The following AAAS variants were observed in gnomAD, a reference collection of about 807,000 sequenced individuals.
AAAS encodes aladin.
A neutral mutation model predicts 75.6 loss-of-function variants in AAAS; 60 were observed. The observed-to-expected ratio is 0.79, with a 90% CI of 0.64 to 0.98. The LOEUF (loss-of-function observed/expected upper bound fraction) is 0.98. AAAS is among the 50% of genes least tolerant of loss of function. The probability of loss-of-function intolerance (pLI) is 0.00; values close to 1 mark genes in which losing one functional copy is unlikely to be tolerated. For synonymous variants in AAAS, 271 were observed against 265.0 expected (o/e 1.02, Z -0.22); for missense variants, 658 against 686.9 (o/e 0.96, Z 0.47).
Position 53,312,565 on chromosome 12 carries a change from C to CAA in AAAS, c.689+1731_689+1732dup, listed in dbSNP as rs34316735. Among the ~76,000 whole-genome samples, 135 of 144,442 alleles carry CAA rather than the reference C, an allele frequency of 9.3e-4. 2 individuals are homozygous for CAA. The highest frequency in any genetic ancestry group is 3.5e-3 in the Middle Eastern group (1 of 288). The allele number at this position is 144,442 out of a possible 152,430, so 94.8% of individuals were successfully genotyped here. On this transcript the variant is annotated intron_variant, in intron 7 of 15. Coordinates refer to ENST00000209873, the MANE Select transcript of AAAS (RefSeq NM_015665.6). ...GGGCAACAGGAGTGAAACTCCTTCTCAAAAAAAAAAAAGAAATCAAACATT... is the reference window on the plus strand; with the variant it reads ...GGGCAACAGGAGTGAAACTCCTTCTCAAAAAAAAAAAAAAGAAATCAAACATT...
chr12:53,318,273 T>TGTG (rs1230106640), intron 2 of AAAS, among the ~76,000 whole-genome samples: 4 of 151,104 alleles, frequency 2.6e-5, no homozygotes, highest in Non-Finnish European at 4.4e-5. Flanking sequence ...TGTGTGTGTG[T>TGTG]TAAGACGGAG....
chr12:53,314,679 T>C, intron 6 of AAAS, 72 bp downstream of exon 6: 1 of 1,500,478 alleles, frequency 6.7e-7, no homozygotes. Context: ...ACTACAGGAC[T>C]CCCCGGAACC....
intron 7 of AAAS, among the ~76,000 whole-genome samples, chr12:53,312,231 C>A (rs1001916381): frequency 2.0e-5 from 3 of 148,636 alleles, no homozygotes; most frequent in African/African-American, 5.0e-5. Context: ...AAAAAAAAAT[C>A]TCATTATTTT....
intron 1 of AAAS, chr12:53,320,909 AACCATATGAC>A: frequency 1.6e-6 from 1 of 606,918 alleles, no homozygotes. Flanking sequence ...GTGATTATGA[AACCATATGAC>A]ATTTTTAGAA....
At position 53,321,461 on chromosome 12, in the gene AAAS, C is replaced by T; in HGVS notation, c.5G>A (p.Cys2Tyr). The T allele has an allele frequency of 6.2e-7, 1 of 1,614,120 alleles. No homozygotes were observed. Among genetic ancestry groups the T allele is most frequent in the East Asian group, 2.2e-5 (1 of 44,894 alleles). ...TGGAGGAGGGAACAACCCCAGAGAGCACATCTTGCCGGTTCGCAGGACGTC... is the reference window on the plus strand; with the variant it reads ...TGGAGGAGGGAACAACCCCAGAGAGTACATCTTGCCGGTTCGCAGGACGTC... M[C>Y]SLGLFPPPPP... Residue 2 changes from cysteine to tyrosine, a missense_variant, in exon 1 of 16, where the codon TGC becomes TAC. Physicochemically the swap from Cys to Tyr is radical, Grantham distance 194. Transcript: ENST00000209873.
rs1944450202 is a variant in AAAS, at chr12:53,315,613, G to A, written c.307+114C>T. 6.6e-6 allele frequency: 9 copies of A among 1,373,726 alleles called. No individual in the cohort carries two copies. The South Asian group carries it at 7.4e-5, about 11-fold the overall frequency. 85.1% of individuals were successfully genotyped at this position (1,373,726 alleles called of 1,614,324 possible). A position where few individuals can be genotyped will look rare whatever the true frequency, so the allele number is the denominator to read the frequency against. ...GGTTATTTGGGTAGGTAGAGGAGAG[G>A]ACAGGAAAAATAGGGCTAAAAGAGG... is the stretch of plus-strand genomic sequence containing the variant. On this transcript the variant is annotated intron_variant, in intron 3 of 15. Transcript: ENST00000209873.
chr12:53,311,288 T>C (rs911803540), intron 7 of AAAS, among the ~76,000 whole-genome samples: 4 of 152,094 alleles, frequency 2.6e-5, no homozygotes, highest in Admixed American at 2.6e-4. Context: ...TAAATCGAGT[T>C]CCGCTCTTGT....
At position 53,309,205 on chromosome 12, in the gene AAAS, G is replaced by A. The variant is rs1450008394; in HGVS notation, c.887C>T (p.Ser296Phe). ...RGGGVTNLLW[S>F]PDGSKILATT... ...AGCCAGGATTTTGCTGCCGTCTGGG[G>A]ACCAGAGCAGGTTGGTCACCCCACC... is the stretch of plus-strand genomic sequence containing the variant. Residue 296 changes from serine to phenylalanine, a missense_variant, in exon 9 of 16, where the codon TCC becomes TTC. Ser to Phe is a radical substitution (Grantham distance 155). Transcript: ENST00000209873. The A allele has an allele frequency of 6.2e-7, 1 of 1,614,158 alleles. No homozygotes were observed. Among genetic ancestry groups the A allele is most frequent in the Admixed American group, 1.7e-5 (1 of 60,010 alleles).
intron 7 of AAAS, among the ~76,000 whole-genome samples, chr12:53,310,420 C>T (rs182423725): frequency 2.0e-4 from 30 of 152,212 alleles, no homozygotes; most frequent in African/African-American, 7.2e-4. Flanking sequence ...ATTAGCTGGG[C>T]GTGGTGGTGT....
chr12:53,308,601 A>G, intron 11 of AAAS, 73 bp from the exon 12 acceptor site: 6 of 1,598,160 alleles, frequency 3.8e-6, no homozygotes, highest in Non-Finnish European at 4.3e-6. Context: ...AGCTCACCAA[A>G]GGCATCAACA....
chr12:53,321,159 C>T (rs1247594201), intron 1 of AAAS, 184 bp downstream of exon 1: 9 of 885,204 alleles, frequency 1.0e-5, no homozygotes, highest in Non-Finnish European at 1.5e-5. Context: ...CTTAACCGTT[C>T]CCCCGTTATA....
At chr12:53,311,476 G>T (rs942625831) in intron 7 of AAAS, among the ~76,000 whole-genome samples, 1 of 152,168 alleles carries the variant, frequency 6.6e-6, no homozygotes, top group Non-Finnish European at 1.5e-5. Context: ...CCTTCCAGGC[G>T]TGGTGTACGC....
At chr12:53,319,482 G>C (rs1369448972) in intron 2 of AAAS, among the ~76,000 whole-genome samples, 1 of 152,218 alleles carries the variant, frequency 6.6e-6, no homozygotes, top group East Asian at 1.9e-4. Context: ...ATAGGCGTGA[G>C]TCACTGTGCC....
chr12:53,307,811 A>ACTC (rs1457078644), intron 15 of AAAS, 34 bp downstream of exon 15: 21 of 1,613,322 alleles, frequency 1.3e-5, no homozygotes, highest in Non-Finnish European at 1.5e-5. Flanking sequence ...TCTCCATCCA[A>ACTC]CTCCTGGAAG....
At chr12:53,308,407 C>G in intron 12 of AAAS, 28 bp downstream of exon 12, 1 of 1,614,140 alleles carries the variant, frequency 6.2e-7, no homozygotes, top group Non-Finnish European at 8.5e-7. Context: ...CTGCTTTTCA[C>G]TGCCACTCCC....
Position 53,307,886 on chromosome 12 carries a change from T to G in AAAS, c.1375A>C (p.Thr459Pro). The G allele has an allele frequency of 1.2e-6, 2 of 1,614,108 alleles. No homozygotes were observed. The highest frequency in any genetic ancestry group is 1.7e-6 in the Non-Finnish European group (2 of 1,180,016). The change falls in exon 15 of 16, where the codon ACT becomes CCT. Residue 459 changes from threonine (T) to proline (P), a missense_variant. Coordinates refer to ENST00000209873, the MANE Select transcript of AAAS (RefSeq NM_015665.6). ...GEPGAQPQLI[T>P]FHPSFNKGAL... ...CCTTTGTTGAAGGAAGGATGGAAAG[T>G]GATGAGCTGGGGCTGGGCTCCTGGC...
At chr12:53,313,902 C>T (rs577843221) in intron 7 of AAAS, among the ~76,000 whole-genome samples, 1 of 152,278 alleles carries the variant, frequency 6.6e-6, no homozygotes, top group East Asian at 1.9e-4. Context: ...AGCCACCGCA[C>T]CCAGCTTAGT....
At chr12:53,313,224 CATG>C (rs1212543846) in intron 7 of AAAS, among the ~76,000 whole-genome samples, 3 of 138,550 alleles carry the variant, frequency 2.2e-5, no homozygotes, top group Admixed American at 7.9e-5. Flanking sequence ...GCTGTAGTGG[CATG>C]ATGTCAACTC....
chr12:53,309,830 G>T, intron 7 of AAAS, 109 bp from the exon 8 acceptor site: 1 of 1,498,324 alleles, frequency 6.7e-7, no homozygotes, highest in Non-Finnish European at 9.1e-7. Context: ...GCCCACTCTG[G>T]GCTCAAATCC....
Sources: gnomAD v4.1 joint callset for allele counts (sites outside exome capture counted in the v4.1 genomes callset) on GRCh38, gnomAD v4.1.1 for gene constraint, MANE v1.5 for transcripts, NCBI Gene and HGNC (gene_info 2026-07-23, HGNC 2026-07-21) for gene names.